STT3A: variants seen among roughly 807,000 people sequenced by gnomAD.
STT3A encodes the protein dolichyl-diphosphooligosaccharide--protein glycosyltransferase subunit STT3A.
Under a neutral mutation model 89.2 loss-of-function variants are expected in STT3A, and 34 were observed. The ratio of observed to expected loss-of-function variants is 0.38; its 90% confidence interval spans 0.29 to 0.51. The LOEUF is 0.51. Ranked by LOEUF, STT3A falls within the 20% of genes least tolerant of loss-of-function variation. The pLI, the probability that STT3A is intolerant of heterozygous loss-of-function variation, is 0.89. For synonymous variants in STT3A, 282 were observed against 310.3 expected (o/e 0.91, Z 0.96); for missense variants, 555 against 889.5 (o/e 0.62, Z 4.78).
At position 125,597,048 on chromosome 11, in the gene STT3A, G is replaced by T. The variant is rs1442401347; in HGVS notation, c.89-11G>T. ...ATTACCAATAAAATATTAACTCTCT[G>T]GTTTTTGCAGCCTTCTCCACTCGTC... On this transcript the variant is annotated splice_polypyrimidine_tract_variant and intron_variant, in intron 2 of 17. Coordinates refer to ENST00000392708, the MANE Select transcript of STT3A (RefSeq NM_152713.5). 1 of 1,613,808 alleles carries T rather than the reference G, an allele frequency of 6.2e-7. No individual in the cohort carries two copies. The highest frequency in any genetic ancestry group is 8.5e-7 in the Non-Finnish European group (1 of 1,179,970).
Position 125,606,309 on chromosome 11 carries a change from A to G in STT3A, c.624A>G (p.Ser208=). 1.9e-6 allele frequency: 3 copies of G among 1,613,552 alleles called. No individual in the cohort carries two copies. The highest frequency in any genetic ancestry group is 2.5e-6 in the Non-Finnish European group (3 of 1,179,888). The part of the protein sequence containing the change: ...CALAYFYMVS[S]WGGYVFLINL... The stretch of plus-strand genomic sequence containing the variant: ...TTTCTATTCCATCATAGGTCTCGTC[A>G]TGGGGAGGTTATGTGTTCCTGATCA... Residue 208 remains serine (S), a synonymous_variant, in exon 8 of 18, where the codon TCA becomes TCG. Coordinates refer to ENST00000392708, the MANE Select transcript of STT3A (RefSeq NM_152713.5).
intron 9 of STT3A, among the ~76,000 whole-genome samples, chr11:125,608,610 G>A (rs1302446230): frequency 6.6e-6 from 1 of 152,270 alleles, no homozygotes; most frequent in Non-Finnish European, 1.5e-5. Context: ...ACAGGCGTGA[G>A]CCACTGCACC....
chr11:125,596,204 C>T (rs1042320042), intron 2 of STT3A, among the ~76,000 whole-genome samples: 2 of 152,174 alleles, frequency 1.3e-5, no homozygotes, highest in Non-Finnish European at 2.9e-5. Context: ...GTGGTTCACG[C>T]CTGTAATCCC....
chr11:125,611,839 T>C (rs996364496), intron 11 of STT3A, among the ~76,000 whole-genome samples: 2 of 150,430 alleles, frequency 1.3e-5, no homozygotes, highest in African/African-American at 4.9e-5. Flanking sequence ...TACCCAGTGC[T>C]AGATTGTTAG....
chr11:125,603,667 G>A (rs921952685), intron 5 of STT3A, among the ~76,000 whole-genome samples: 3 of 152,240 alleles, frequency 2.0e-5, no homozygotes, highest in African/African-American at 7.2e-5. Context: ...GGTGCCTGGT[G>A]ATATTTAAGC....
At chr11:125,616,920 C>T (rs768711877) in intron 15 of STT3A, among the ~76,000 whole-genome samples, 14 of 152,086 alleles carry the variant, frequency 9.2e-5, no homozygotes, top group Non-Finnish European at 1.3e-4. Context: ...TCAAGTGATC[C>T]GCCCATCTCA....
In STT3A at chr11:125,602,648, G is replaced by A. The variant is rs11823046; in HGVS notation, c.272-155G>A. 80,969 of 1,137,992 alleles carry A rather than the reference G, an allele frequency of 0.071. 3,825 individuals carry two copies. The highest frequency in any genetic ancestry group is 0.22 in the African/African-American group (14,213 of 63,706). The allele number at this position is 1,137,992 out of a possible 1,614,324, so 70.5% of individuals were successfully genotyped here. On this transcript the variant is annotated intron_variant, in intron 4 of 17. Coordinates refer to ENST00000392708, the MANE Select transcript of STT3A (RefSeq NM_152713.5). Reference sequence around the variant, plus strand: ...CTAGACTTCTGATTGAATCCTTAGGGGAGAAATTTATAGGCTTACTGCAGT... The same window carrying A: ...CTAGACTTCTGATTGAATCCTTAGGAGAGAAATTTATAGGCTTACTGCAGT...
intron 6 of STT3A, among the ~76,000 whole-genome samples, chr11:125,604,679 G>A (rs1341880683): frequency 6.6e-6 from 1 of 152,192 alleles, no homozygotes. Context: ...TAAAGAGATA[G>A]GTAATGAATA....
chr11:125,614,822 C>T lies in STT3A; in HGVS notation c.1774+396C>T, dbSNP rs1054029342. ...CCTGACAGCGTGTAAAAAAAGAGAA[C>T]ATTTTATATATATATAAAATATATA... On this transcript the variant is annotated intron_variant, in intron 15 of 17. Transcript: ENST00000392708. The surrounding 1 kb of genome is among the most constrained non-coding windows in gnomAD (Gnocchi z 4.9). 3.3e-5 allele frequency among the ~76,000 whole-genome samples: 5 copies of T among 151,072 alleles called. No homozygotes were observed. Among genetic ancestry groups the T allele is most frequent in the African/African-American group, 9.7e-5 (4 of 41,226 alleles).
In STT3A at chr11:125,614,369, C is replaced by T; in HGVS notation, c.1717C>T (p.Leu573Phe). 1 of 1,614,082 alleles carries T rather than the reference C, an allele frequency of 6.2e-7. No homozygotes were observed. Among genetic ancestry groups the T allele is most frequent in the Non-Finnish European group, 8.5e-7 (1 of 1,180,012 alleles). ...AAAAGCCTATGAGATCATGAGGGAG[C>T]TCGATGTCAGCTATGTGCTGGTCAT... ...EEKAYEIMRE[L>F]DVSYVLVIFG... is the part of the protein sequence containing the mutation. The change falls in exon 15 of 18, where the codon CTC becomes TTC. Residue 573 changes from leucine to phenylalanine, a missense_variant. By Grantham distance (22) the Leu-to-Phe change is conservative (BLOSUM62 0). Coordinates refer to ENST00000392708, the MANE Select transcript of STT3A (RefSeq NM_152713.5). The surrounding 1 kb of genome is among the most constrained non-coding windows in gnomAD (Gnocchi z 4.9).
intron 9 of STT3A, among the ~76,000 whole-genome samples, chr11:125,608,569 G>A (rs1278058280): frequency 6.6e-6 from 1 of 152,072 alleles, no homozygotes; most frequent in Non-Finnish European, 1.5e-5. Context: ...CAGGTGATCC[G>A]CCCGCCTCGG....
At chr11:125,592,753 G>A, upstream of STT3A, 1 of 291,450 alleles carries the variant, frequency 3.4e-6, no homozygotes, top group Non-Finnish European at 7.0e-6. Flanking sequence ...CTCCGGATTT[G>A]ACAGACAGTT....
intron 15 of STT3A, among the ~76,000 whole-genome samples, chr11:125,618,089 A>G (rs1565352579): frequency 6.6e-6 from 1 of 151,046 alleles, no homozygotes. Flanking sequence ...TTGCTGCTAT[A>G]TTTGATAGCC....
intron 10 of STT3A, chr11:125,609,941 A>ATAATGAG: frequency 4.8e-6 from 1 of 207,298 alleles, no homozygotes; most frequent in Middle Eastern, 2.0e-3. Flanking sequence ...TTGAAGTCCC[A>ATAATGAG]TAATGAGTAC....
chr11:125,608,255 C>G lies in STT3A; in HGVS notation c.927C>G (p.Val309=). The change falls in exon 9 of 18, where the codon GTC becomes GTG. Residue 309 remains valine, a synonymous_variant. Coordinates refer to ENST00000392708, the MANE Select transcript of STT3A (RefSeq NM_152713.5). ...GCGTCATCTCTCTGGTAGGCTTTGTCCTTCTCACCGTGGGAGCTCTCCTCA... is the reference window on the plus strand; with the variant it reads ...GCGTCATCTCTCTGGTAGGCTTTGTGCTTCTCACCGTGGGAGCTCTCCTCA... ...FRSVISLVGF[V]LLTVGALLML... 1.9e-6 allele frequency: 3 copies of G among 1,613,728 alleles called. No individual in the cohort carries two copies. Among genetic ancestry groups the G allele is most frequent in the Non-Finnish European group, 2.5e-6 (3 of 1,179,866 alleles).
chr11:125,611,519 G>T lies in STT3A; in HGVS notation c.1209G>T (p.Met403Ile). 1 of 1,613,498 alleles carries T rather than the reference G, an allele frequency of 6.2e-7. No individual in the cohort carries two copies. The highest frequency in any genetic ancestry group is 1.1e-5 in the South Asian group (1 of 91,010). ...CCAGCATGTACTTTTCAGCTGTAATGGTGAGGATGCCCTCAGTCTGGTAGA... is the reference window on the plus strand; with the variant it reads ...CCAGCATGTACTTTTCAGCTGTAATTGTGAGGATGCCCTCAGTCTGGTAGA... ...GVTSMYFSAV[M>I]VRLMLVLAPV... Residue 403 changes from methionine to isoleucine, a missense_variant and splice_region_variant, in exon 11 of 18, where the codon ATG (methionine) becomes ATT (isoleucine). This residue lies in a region of STT3A where 273 missense variants were observed against 449.8 expected (regional missense o/e 0.61). Coordinates refer to ENST00000392708, the MANE Select transcript of STT3A (RefSeq NM_152713.5).
chr11:125,617,212 T>C (rs990139110), intron 15 of STT3A, among the ~76,000 whole-genome samples: 2 of 152,342 alleles, frequency 1.3e-5, no homozygotes, highest in South Asian at 2.1e-4. Flanking sequence ...ATATTATTCA[T>C]TGGATGTTTA....
In STT3A at chr11:125,612,986, T is replaced by A. The variant is rs1298549048; in HGVS notation, c.1366-3T>A. 6.2e-7 allele frequency: 1 copy of A among 1,613,450 alleles called. No individual in the cohort carries two copies. The highest frequency in any genetic ancestry group is 1.7e-5 in the Admixed American group (1 of 59,968). On this transcript the variant is annotated splice_polypyrimidine_tract_variant and splice_region_variant and intron_variant, in intron 12 of 17. Coordinates refer to ENST00000392708, the MANE Select transcript of STT3A (RefSeq NM_152713.5). Reference sequence around the variant, plus strand: ...ACACAATTAATTCTTTTTCCTTGTTTAGGTGGCAAGTGGGATGATACTGGT... The same window carrying A: ...ACACAATTAATTCTTTTTCCTTGTTAAGGTGGCAAGTGGGATGATACTGGT...
rs772732156 is a variant in STT3A, at chr11:125,618,481, G to A, written c.1883G>A (p.Arg628His). 3.1e-6 allele frequency: 5 copies of A among 1,613,898 alleles called. No individual in the cohort carries two copies. Among genetic ancestry groups the A allele is most frequent in the East Asian group, 2.2e-5 (1 of 44,894 alleles). The stretch of plus-strand genomic sequence containing the variant: ...CCAACTGGGGAGTTCCGTGTGGACC[G>A]TGAAGGTTCTCCAGTGCTGCTCAAC... The part of the protein sequence containing the change: ...YTPTGEFRVD[R>H]EGSPVLLNCL... Residue 628 changes from arginine (R) to histidine (H), a missense_variant, in exon 16 of 18, where the codon CGT (arginine) becomes CAT (histidine). This residue lies in a region of STT3A where 273 missense variants were observed against 449.8 expected (regional missense o/e 0.61). Coordinates refer to ENST00000392708, the MANE Select transcript of STT3A (RefSeq NM_152713.5).
Sources: gnomAD v4.1 joint callset for allele counts (sites outside exome capture counted in the v4.1 genomes callset) on GRCh38, gnomAD v4.1.1 for gene constraint, gnomAD v4.1.1 regional missense constraint, Gnocchi (gnomAD v3.1) non-coding constraint, MANE v1.5 for transcripts, NCBI Gene and HGNC (gene_info 2026-07-23, HGNC 2026-07-21) for gene names.